The following ABL2 variants were observed in gnomAD, a reference collection of about 807,000 sequenced individuals.
The protein encoded by ABL2 is tyrosine-protein kinase ABL2.
A neutral mutation model predicts 107.7 loss-of-function variants in ABL2; 49 were observed. The ratio of observed to expected loss-of-function variants is 0.45; its 90% confidence interval spans 0.36 to 0.58. ABL2 has a LOEUF of 0.58. Ranked by LOEUF, ABL2 falls within the 20% of genes least tolerant of loss-of-function variation. The pLI, the probability that ABL2 is intolerant of heterozygous loss-of-function variation, is 0.00. For missense variants in ABL2, 1,245 were observed against 1,457.0 expected (o/e 0.85, Z 2.37); for synonymous variants, 549 against 548.6 (o/e 1.00, Z -0.01).
intron 1 of ABL2, among the ~76,000 whole-genome samples, chr1:179,154,596 C>T (rs1409678839): frequency 1.3e-5 from 2 of 152,150 alleles, no homozygotes; most frequent in East Asian, 1.9e-4. Flanking sequence ...GAGGCCAAAC[C>T]TACTGCTGAT....
intron 1 of ABL2, among the ~76,000 whole-genome samples, chr1:179,178,219 GAA>G (rs1660157456): frequency 6.6e-6 from 1 of 151,850 alleles, no homozygotes; most frequent in Admixed American, 6.6e-5. Context: ...TCAACATGGT[GAA>G]ACCCTGTCTG....
intron 6 of ABL2, among the ~76,000 whole-genome samples, chr1:179,119,522 C>CA (rs570669683): frequency 0.027 from 3,178 of 115,874 alleles, 64 homozygotes; most frequent in Middle Eastern, 0.06. Flanking sequence ...AAAAAACAAA[C>CA]AAAAAAAAAC....
chr1:179,153,277 A>C (rs1658475144), intron 1 of ABL2, among the ~76,000 whole-genome samples: 1 of 152,110 alleles, frequency 6.6e-6, no homozygotes, highest in South Asian at 2.1e-4. Flanking sequence ...CAATTCTTTC[A>C]GTTATAAACT....
At chr1:179,210,520 A>AAAAAAAAG (rs1662212252) in intron 1 of ABL2, among the ~76,000 whole-genome samples, 1 of 146,462 alleles carries the variant, frequency 6.8e-6, no homozygotes, top group African/African-American at 2.6e-5. Context: ...AAAAAAAAAG[A>AAAAAAAAG]AAAAAAAAAG....
chr1:179,194,202 T>C (rs12069102), intron 1 of ABL2, among the ~76,000 whole-genome samples: 2,295 of 152,240 alleles, frequency 0.015, 70 homozygotes, highest in African/African-American at 0.052. Context: ...AGAAACACAT[T>C]TTTTTTGACA....
At chr1:179,150,081 T>C (rs558365959) in intron 1 of ABL2, among the ~76,000 whole-genome samples, 1 of 152,090 alleles carries the variant, frequency 6.6e-6, no homozygotes, top group African/African-American at 2.4e-5. Context: ...AAAAAATTTT[T>C]TTTTTCTAAT....
At chr1:179,167,407 G>A (rs141847338) in intron 1 of ABL2, among the ~76,000 whole-genome samples, 223 of 152,236 alleles carry the variant, frequency 1.5e-3, no homozygotes, top group African/African-American at 5.3e-3. Flanking sequence ...GTGGGAGGTG[G>A]GAATGAAGAG....
intron 1 of ABL2, among the ~76,000 whole-genome samples, chr1:179,210,832 C>T (rs1030880577): frequency 5.9e-5 from 9 of 151,298 alleles, no homozygotes; most frequent in African/African-American, 1.5e-4. Context: ...CCAGCCTGGG[C>T]GACACAGCAA....
chr1:179,110,488 A>AC (rs768909265), intron 10 of ABL2, 33 bp from the exon 11 acceptor site: 2 of 1,575,156 alleles, frequency 1.3e-6, no homozygotes, highest in South Asian at 2.4e-5. Context: ...AATAAAAAGA[A>AC]CAATTTCATA....
chr1:179,219,176 G>C (rs1347355981), intron 1 of ABL2, among the ~76,000 whole-genome samples: 1 of 152,172 alleles, frequency 6.6e-6, no homozygotes, highest in African/African-American at 2.4e-5. Context: ...CCCAGTAGCT[G>C]GGACTACATG....
chr1:179,161,180 T>C (rs1659045250), intron 1 of ABL2, among the ~76,000 whole-genome samples: 1 of 152,060 alleles, frequency 6.6e-6, no homozygotes, highest in South Asian at 2.1e-4. Flanking sequence ...ATAAGCTACA[T>C]ACCCCTCTCA....
chr1:179,145,477 A>C (rs1657918372), intron 1 of ABL2, among the ~76,000 whole-genome samples: 1 of 152,214 alleles, frequency 6.6e-6, no homozygotes, highest in East Asian at 1.9e-4. Flanking sequence ...TTAATAACAT[A>C]TTTTTACCAA....
intron 1 of ABL2, among the ~76,000 whole-genome samples, chr1:179,194,573 C>A (rs1225689058): frequency 2.0e-5 from 3 of 152,152 alleles, no homozygotes; most frequent in Non-Finnish European, 4.4e-5. Context: ...ACTCTACACA[C>A]AAAACACTTC....
At chr1:179,113,562 G>C (rs1428031489) in intron 9 of ABL2, among the ~76,000 whole-genome samples, 1 of 152,224 alleles carries the variant, frequency 6.6e-6, no homozygotes, top group Non-Finnish European at 1.5e-5. Context: ...CATTTTGGGA[G>C]ACTGAGTCGG....
intron 1 of ABL2, among the ~76,000 whole-genome samples, chr1:179,181,805 G>A (rs1201789185): frequency 1.3e-5 from 2 of 151,508 alleles, no homozygotes; most frequent in African/African-American, 4.9e-5. Flanking sequence ...TTTTGAGACA[G>A]AGTCTCACTC....
chr1:179,131,902 C>T (rs1656367618), intron 2 of ABL2, among the ~76,000 whole-genome samples: 1 of 152,128 alleles, frequency 6.6e-6, no homozygotes, highest in Non-Finnish European at 1.5e-5. Context: ...CTTACAAGTC[C>T]ACTCAAACTA....
chr1:179,195,485 T>C (rs1303492130), intron 1 of ABL2, among the ~76,000 whole-genome samples: 1 of 152,062 alleles, frequency 6.6e-6, no homozygotes, highest in East Asian at 1.9e-4. Context: ...CTCAGAAAAA[T>C]TAAACATAGA....
At position 179,108,846 on chromosome 1, in the gene ABL2, C is replaced by T. The variant is rs1015886971; in HGVS notation, c.2421G>A (p.Arg807=). 3 of 1,614,056 alleles carry T rather than the reference C, an allele frequency of 1.9e-6. No homozygotes were observed. Among genetic ancestry groups the T allele is most frequent in the African/African-American group, 2.7e-5 (2 of 74,910 alleles). ...MAMTLPRNCQ[R]SKLQLERTVS... is the part of the protein sequence containing the mutation. ...CTGTCCTTTCCAGCTGGAGTTTGGA[C>T]CTCTGGCAGTTCCTGGGAAGGGTCA... is the stretch of plus-strand genomic sequence containing the variant. Residue 807 remains arginine (R), a synonymous_variant, in exon 12 of 12, where the codon AGG becomes AGA. Coordinates refer to ENST00000502732, the MANE Select transcript of ABL2 (RefSeq NM_007314.4).
chr1:179,122,582 CTTCAAATATATATATATT>C (rs1032262069), intron 4 of ABL2, among the ~76,000 whole-genome samples: 3 of 151,954 alleles, frequency 2.0e-5, no homozygotes, highest in African/African-American at 4.8e-5. Context: ...GCTCATTGGT[CTTCAAATATATATATATT>C]TTCAAATATA....
Sources: gnomAD v4.1 joint callset for allele counts (sites outside exome capture counted in the v4.1 genomes callset) on GRCh38, gnomAD v4.1.1 for gene constraint, MANE v1.5 for transcripts, NCBI Gene and HGNC (gene_info 2026-07-23, HGNC 2026-07-21) for gene names.